CHST9: variants seen among roughly 807,000 people sequenced by gnomAD.
The protein encoded by CHST9 is carbohydrate sulfotransferase 9.
CHST9 carries 41 observed loss-of-function variants against 44.4 expected under a neutral mutation model. The observed-to-expected ratio is 0.92, with a 90% CI of 0.72 to 1.20. The LOEUF (loss-of-function observed/expected upper bound fraction) is 1.20, where lower values mean the gene tolerates loss of function less well. CHST9 is among the 50% of genes most tolerant of loss of function. CHST9 has a pLI of 0.00. For synonymous variants in CHST9, 171 were observed against 178.4 expected (o/e 0.96, Z 0.33); for missense variants, 504 against 516.5 (o/e 0.98, Z 0.23).
At chr18:27,138,911 GATAAC>G (rs889549238) in intron 2 of CHST9, among the ~76,000 whole-genome samples, 9 of 152,044 alleles carry the variant, frequency 5.9e-5, no homozygotes, top group Non-Finnish European at 1.3e-4. Context: ...TAAAATTTGT[GATAAC>G]ATATCAACAT....
intron 4 of CHST9, among the ~76,000 whole-genome samples, chr18:27,018,506 G>T (rs141469006): frequency 6.6e-6 from 1 of 152,160 alleles, no homozygotes; most frequent in African/African-American, 2.4e-5. Flanking sequence ...GACAGCCCCA[G>T]TGTGTGCAGA....
chr18:27,058,565 TA>T (rs1295233299), intron 2 of CHST9, among the ~76,000 whole-genome samples: 1 of 152,160 alleles, frequency 6.6e-6, no homozygotes, highest in Admixed American at 6.6e-5. Flanking sequence ...AGACACCATG[TA>T]AGAAATCAGA....
chr18:26,974,609 C>G (rs1433514387), intron 4 of CHST9, among the ~76,000 whole-genome samples: 2 of 151,996 alleles, frequency 1.3e-5, no homozygotes, highest in Non-Finnish European at 2.9e-5. Flanking sequence ...CATCCATGAT[C>G]TCATCCGGTC....
At chr18:27,141,506 A>G (rs113977167) in intron 2 of CHST9, among the ~76,000 whole-genome samples, 16,908 of 148,732 alleles carry the variant, frequency 0.11, 1,104 homozygotes, top group African/African-American at 0.17. Flanking sequence ...CAGAAGAATC[A>G]CTTGAACCTG....
At chr18:26,966,880 TAAAAA>T (rs35286743) in intron 4 of CHST9, among the ~76,000 whole-genome samples, 1 of 128,624 alleles carries the variant, frequency 7.8e-6, no homozygotes, top group African/African-American at 2.9e-5. Flanking sequence ...TTACTTTCTT[TAAAAA>T]AAAAAAAAAA....
intron 2 of CHST9, among the ~76,000 whole-genome samples, chr18:27,055,977 G>A (rs530166449): frequency 9.9e-5 from 15 of 150,788 alleles, no homozygotes; most frequent in East Asian, 2.0e-4. Flanking sequence ...CACAAGATAC[G>A]TTTGGCATAT....
At chr18:27,179,817 T>A (rs2058897977) in intron 1 of CHST9, among the ~76,000 whole-genome samples, 1 of 152,132 alleles carries the variant, frequency 6.6e-6, no homozygotes, top group African/African-American at 2.4e-5. Flanking sequence ...GACTATAATG[T>A]TGATAGAAAT....
intron 4 of CHST9, among the ~76,000 whole-genome samples, chr18:26,996,293 C>G (rs576011666): frequency 7.9e-5 from 12 of 152,302 alleles, no homozygotes; most frequent in Middle Eastern, 3.4e-3. Context: ...TTTAGACACA[C>G]TGATATAGTT....
chr18:26,966,997 G>C (rs567501801), intron 4 of CHST9, among the ~76,000 whole-genome samples: 1 of 151,828 alleles, frequency 6.6e-6, no homozygotes, highest in South Asian at 2.1e-4. Flanking sequence ...TGTCATTTCA[G>C]TCTCAGGCAG....
intron 5 of CHST9, among the ~76,000 whole-genome samples, chr18:26,940,387 A>C (rs2056065447): frequency 6.6e-6 from 1 of 152,166 alleles, no homozygotes; most frequent in Admixed American, 6.5e-5. Flanking sequence ...GGGTCTCAGG[A>C]TCTGTGTTAA....
intron 2 of CHST9, among the ~76,000 whole-genome samples, chr18:27,114,276 A>G (rs1282433779): frequency 1.3e-5 from 2 of 152,268 alleles, no homozygotes; most frequent in African/African-American, 4.8e-5. Context: ...ATAGTCTTCT[A>G]TCCCAAAACA....
intron 4 of CHST9, among the ~76,000 whole-genome samples, chr18:26,986,246 A>G (rs1244472764): frequency 6.6e-6 from 1 of 152,202 alleles, no homozygotes; most frequent in Non-Finnish European, 1.5e-5. Flanking sequence ...AAGTAAAGAC[A>G]TGGAAAATAC....
At chr18:27,132,554 A>C (rs766688223) in intron 2 of CHST9, among the ~76,000 whole-genome samples, 2 of 152,218 alleles carry the variant, frequency 1.3e-5, no homozygotes, top group Non-Finnish European at 2.9e-5. Context: ...GCCAGGCACC[A>C]TGCTCAGTCG....
chr18:27,161,980 T>A (rs1265062182), intron 1 of CHST9, among the ~76,000 whole-genome samples: 1 of 151,942 alleles, frequency 6.6e-6, no homozygotes, highest in Admixed American at 6.6e-5. Context: ...CCTCCATCCC[T>A]TTATTTTGAG....
chr18:27,134,903 G>A (rs2058501087), intron 2 of CHST9, among the ~76,000 whole-genome samples: 1 of 152,076 alleles, frequency 6.6e-6, no homozygotes. Context: ...CTGAGTTCTG[G>A]GGAGATAGTC....
At chr18:27,174,405 T>A (rs991328650) in intron 1 of CHST9, among the ~76,000 whole-genome samples, 20 of 152,068 alleles carry the variant, frequency 1.3e-4, no homozygotes, top group Admixed American at 4.6e-4. Flanking sequence ...CAGAAGAGAC[T>A]TTTGTGTCAT....
At chr18:26,920,935 C>T (rs170801) in intron 5 of CHST9, among the ~76,000 whole-genome samples, 3 of 152,016 alleles carry the variant, frequency 2.0e-5, no homozygotes, top group Admixed American at 1.3e-4. Flanking sequence ...GCCAGCAATC[C>T]GGATTTCCAG....
In CHST9 at chr18:26,911,255, A is replaced by T. The variant is rs185276623; in HGVS notation, c.*5004T>A. ...CTTTCCACTGAGTGCCTTGCTAGAC[A>T]TGGTACAAAGTGCATTCAACAGACA... On this transcript the variant is annotated 3_prime_UTR_variant, in exon 6 of 6. Coordinates refer to ENST00000618847, the MANE Select transcript of CHST9 (RefSeq NM_031422.6). The T allele has an allele frequency of 1.2e-4, 19 of 152,366 alleles. No individual in the cohort carries two copies. Among genetic ancestry groups the T allele is most frequent in the African/African-American group, 4.3e-4 (18 of 41,596 alleles). The allele number at this position is 152,366 out of a possible 1,614,324, so 9.4% of individuals were successfully genotyped here.
At chr18:27,096,885 T>C (rs980931232) in intron 2 of CHST9, among the ~76,000 whole-genome samples, 2 of 151,958 alleles carry the variant, frequency 1.3e-5, no homozygotes, top group African/African-American at 4.8e-5. Context: ...CTGAACCTAT[T>C]CCAAAAAAAT....
Sources: gnomAD v4.1 joint callset for allele counts (sites outside exome capture counted in the v4.1 genomes callset) on GRCh38, gnomAD v4.1.1 for gene constraint, MANE v1.5 for transcripts, NCBI Gene and HGNC (gene_info 2026-07-23, HGNC 2026-07-21) for gene names.